Variants in LVRN observed in about 807,000 individuals in gnomAD.
LVRN encodes the protein laeverin.
LVRN carries 99 observed loss-of-function variants against 111.4 expected under a neutral mutation model. The ratio of observed to expected loss-of-function variants is 0.89; its 90% CI spans 0.76 to 1.05. The LOEUF (loss-of-function observed/expected upper bound fraction) is 1.05. Ranked by LOEUF, LVRN falls within the 50% of genes least tolerant of loss-of-function variation. The pLI is 0.00. For missense variants in LVRN, 1,414 were observed against 1,206.8 expected (o/e 1.17, Z -2.54); for synonymous variants, 488 against 449.5 (o/e 1.09, Z -1.08).
chr5:115,979,247 C>G (rs1264421573), intron 1 of LVRN, among the ~76,000 whole-genome samples: 2 of 152,172 alleles, frequency 1.3e-5, no homozygotes, highest in African/African-American at 4.8e-5. Context: ...TAGATCCCCA[C>G]CTGGTAGGAG....
Position 115,962,541 on chromosome 5 carries a change from C to G in LVRN, c.-77C>G, listed in dbSNP as rs538402262. The G allele has an allele frequency of 5.1e-6, 7 of 1,373,144 alleles. No individual in the cohort carries two copies. The highest frequency in any genetic ancestry group is 1.3e-5 in the South Asian group (1 of 78,780). The allele number at this position is 1,373,144 out of a possible 1,614,324, so 85.1% of individuals were successfully genotyped here. A position where few individuals can be genotyped will look rare whatever the true frequency, so the allele number is the denominator to read the frequency against. ...GAGAGGAGGGGCAGGGGTCGCAGCA[C>G]TGAACACCCTGGCCGGGGTTTTGAC... On this transcript the variant is annotated 5_prime_UTR_variant, in exon 1 of 20. Coordinates refer to ENST00000357872, the MANE Select transcript of LVRN (RefSeq NM_173800.5).
In LVRN at chr5:116,027,540, C is replaced by G. The variant is rs868761159; in HGVS notation, c.*1422C>G. 2 of 152,182 alleles carry G rather than the reference C, an allele frequency of 1.3e-5. No homozygotes were observed. The highest frequency in any genetic ancestry group is 2.4e-5 in the African/African-American group (1 of 41,456). 9.4% of individuals were successfully genotyped at this position (152,182 alleles called of 1,614,324 possible). A position where few individuals can be genotyped will look rare whatever the true frequency, so the allele number is the denominator to read the frequency against. ...TCAGACTTGGCCACAGGTCATAGGT[C>G]AGAGAATTTTTTCTTCAAATGTAGA... On this transcript the variant is annotated 3_prime_UTR_variant, in exon 20 of 20. Coordinates refer to ENST00000357872, the MANE Select transcript of LVRN (RefSeq NM_173800.5).
chr5:115,969,968 A>C (rs948333722), intron 1 of LVRN, among the ~76,000 whole-genome samples: 1 of 151,838 alleles, frequency 6.6e-6, no homozygotes, highest in Admixed American at 6.6e-5. Context: ...CATCTCTGTC[A>C]TTTTTTGTTT....
chr5:115,962,608 G>T lies in LVRN; in HGVS notation c.-10G>T, dbSNP rs775152167. ...GAGCTCCAGCCTCGCGCCTGAACCC[G>T]GTCCCTGCCATGGGGCCCCCTTCCA... On this transcript the variant is annotated 5_prime_UTR_variant, in exon 1 of 20. Coordinates refer to ENST00000357872, the MANE Select transcript of LVRN (RefSeq NM_173800.5). The T allele has an allele frequency of 2.5e-6, 4 of 1,587,962 alleles. No homozygotes were observed. Among genetic ancestry groups the T allele is most frequent in the Middle Eastern group, 1.8e-4 (1 of 5,676 alleles).
Position 115,992,349 on chromosome 5 carries a change from A to T in LVRN, c.1260+72A>T, listed in dbSNP as rs1748015439. 5 of 1,544,136 alleles carry T rather than the reference A, an allele frequency of 3.2e-6. No homozygotes were observed. The East Asian group carries it at 1.1e-4, about 35-fold the overall frequency. The stretch of plus-strand genomic sequence containing the variant: ...GGTGCGCTACCAAAATAGCATAAAA[A>T]CCCCAGTAAGACCCTGCCATATACC... On this transcript the variant is annotated intron_variant, in intron 5 of 19. Coordinates refer to ENST00000357872, the MANE Select transcript of LVRN (RefSeq NM_173800.5).
At chr5:115,986,365 T>C (rs534317464) in intron 3 of LVRN, among the ~76,000 whole-genome samples, 4 of 152,228 alleles carry the variant, frequency 2.6e-5, no homozygotes, top group Non-Finnish European at 5.9e-5. Flanking sequence ...GCATCCATTA[T>C]CTCAAGTGCC....
intron 1 of LVRN, among the ~76,000 whole-genome samples, chr5:115,982,651 GT>G (rs1753584538): frequency 6.6e-6 from 1 of 152,082 alleles, no homozygotes; most frequent in South Asian, 2.1e-4. Context: ...GCTTTTCCCT[GT>G]AAGTCACCAG....
chr5:115,965,706 G>A (rs1334805156), intron 1 of LVRN, among the ~76,000 whole-genome samples: 1 of 152,070 alleles, frequency 6.6e-6, no homozygotes, highest in African/African-American at 2.4e-5. Context: ...AATCTCATGA[G>A]ATCTGATGGT....
intron 5 of LVRN, among the ~76,000 whole-genome samples, chr5:115,993,116 T>C (rs1418665555): frequency 6.6e-6 from 1 of 152,224 alleles, no homozygotes; most frequent in Non-Finnish European, 1.5e-5. Flanking sequence ...TTATAAGAAT[T>C]TGGTGAAATA....
chr5:115,963,738 C>A (rs1198231804), intron 1 of LVRN, among the ~76,000 whole-genome samples: 1 of 152,218 alleles, frequency 6.6e-6, no homozygotes, highest in Non-Finnish European at 1.5e-5. Flanking sequence ...CGAGCGCCTC[C>A]TTTCTCCCTT....
intron 16 of LVRN, 46 bp downstream of exon 16, chr5:116,014,573 A>G: frequency 6.7e-7 from 1 of 1,496,504 alleles, no homozygotes; most frequent in Non-Finnish European, 9.3e-7. Context: ...CTATTTTAGC[A>G]CCAGCAATTT....
At chr5:116,004,642 C>A (rs1261879026) in intron 12 of LVRN, among the ~76,000 whole-genome samples, 6 of 152,126 alleles carry the variant, frequency 3.9e-5, no homozygotes, top group Non-Finnish European at 5.9e-5. Context: ...AAAAAACTCC[C>A]TTCAGTATTC....
Position 116,003,019 on chromosome 5 carries a change from A to G in LVRN, c.1897+108A>G, listed in dbSNP as rs1748269425. 9 of 1,028,710 alleles carry G rather than the reference A, an allele frequency of 8.7e-6. No individual in the cohort carries two copies. In the Middle Eastern group the frequency reaches 1.6e-3, roughly 178 times the overall value. The allele number at this position is 1,028,710 out of a possible 1,614,324, so 63.7% of individuals were successfully genotyped here. On this transcript the variant is annotated intron_variant, in intron 11 of 19. Coordinates refer to ENST00000357872, the MANE Select transcript of LVRN (RefSeq NM_173800.5). The stretch of plus-strand genomic sequence containing the variant: ...AAAAGCCATTTCATTTCAAACTAAA[A>G]TATCATTCTTGTAGAGCATAGAGTT...
Position 115,963,352 on chromosome 5 carries a change from C to T in LVRN, c.695+40C>T, listed in dbSNP as rs200623002. 5.4e-5 allele frequency: 81 copies of T among 1,491,552 alleles called. 1 individual carries two copies. The Middle Eastern group carries it at 1.4e-3, about 26-fold the overall frequency. The allele number at this position is 1,491,552 out of a possible 1,614,324, so 92.4% of individuals were successfully genotyped here. On this transcript the variant is annotated intron_variant, in intron 1 of 19. Coordinates refer to ENST00000357872, the MANE Select transcript of LVRN (RefSeq NM_173800.5). ...GCCCGGGGCCCCTCTCGGCCCCCGCCCCTGCGTCCCGGTGCAGGCTGCGGG... is the reference window on the plus strand; with the variant it reads ...GCCCGGGGCCCCTCTCGGCCCCCGCTCCTGCGTCCCGGTGCAGGCTGCGGG...
intron 1 of LVRN, among the ~76,000 whole-genome samples, chr5:115,965,606 C>T (rs556505104): frequency 6.6e-6 from 1 of 152,122 alleles, no homozygotes; most frequent in Non-Finnish European, 1.5e-5. Context: ...CCACGCAAAT[C>T]TCATCTTGAA....
In LVRN at chr5:116,000,437, C is replaced by G. The variant is rs746397122; in HGVS notation, c.1520C>G (p.Ala507Gly). The part of the protein sequence containing the change: ...LFDIFTYSKG[A>G]SMARMLSCFL... ...GGACAGCTTCTTTTGTCCTAGGGAG[C>G]GTCTATGGCCCGGATGCTTTCTTGT... The change falls in exon 8 of 20, where the codon GCG becomes GGG. Residue 507 changes from alanine (A) to glycine (G), a missense_variant. Transcript: ENST00000357872. 1.2e-6 allele frequency: 2 copies of G among 1,614,030 alleles called. No individual in the cohort carries two copies. Among genetic ancestry groups the G allele is most frequent in the Non-Finnish European group, 1.7e-6 (2 of 1,179,956 alleles).
chr5:116,000,695 T>C (rs1212689999), intron 9 of LVRN, 37 bp downstream of exon 9: 2 of 1,600,194 alleles, frequency 1.2e-6, no homozygotes, highest in Non-Finnish European at 8.6e-7. Context: ...CTTGCTGAGT[T>C]GTTTTGTATG....
Position 115,983,449 on chromosome 5 carries a change from T to G in LVRN, c.838+20T>G. ...AGCTAGGTAAGTAATGCTTTCTGTC[T>G]ATATCTAGCTGTCTATCTATATAAG... On this transcript the variant is annotated intron_variant, in intron 2 of 19. Transcript: ENST00000357872. 1 of 1,578,070 alleles carries G rather than the reference T, an allele frequency of 6.3e-7. No homozygotes were observed.
At chr5:116,010,458 G>A (rs1223441466) in intron 13 of LVRN, 4 of 479,652 alleles carry the variant, frequency 8.3e-6, no homozygotes, top group Non-Finnish European at 1.6e-5. Context: ...CATACAGAAT[G>A]CATAACTCTT....
Sources: allele counts gnomAD v4.1 joint callset (sites outside exome capture counted in the v4.1 genomes callset), GRCh38; gene constraint gnomAD v4.1.1; transcripts MANE v1.5; gene names NCBI Gene and HGNC (gene_info 2026-07-23, HGNC 2026-07-21).